SARDH: variants seen among roughly 807,000 people sequenced by gnomAD.
The protein encoded by SARDH is sarcosine dehydrogenase.
Under a neutral mutation model 109.1 loss-of-function variants are expected in SARDH, and 95 were observed. The observed-to-expected ratio is 0.87, with a 90% CI of 0.74 to 1.03. The LOEUF is 1.03. SARDH is among the 50% of genes least tolerant of loss of function. The pLI is 0.00. For synonymous variants in SARDH, 572 were observed against 534.8 expected, an observed-to-expected ratio of 1.07 and a Z score of -0.96; for missense variants, 1,267 against 1,287.8, an observed-to-expected ratio of 0.98 and a Z score of 0.25.
Position 133,712,919 on chromosome 9 carries a change from G to T in SARDH, c.1237+119C>A. The T allele has an allele frequency of 1.8e-6, 2 of 1,101,684 alleles. No individual in the cohort carries two copies. Among genetic ancestry groups the T allele is most frequent in the Non-Finnish European group, 2.7e-6 (2 of 754,542 alleles). The allele number at this position is 1,101,684 out of a possible 1,614,324, so 68.2% of individuals were successfully genotyped here. A position where few individuals can be genotyped will look rare whatever the true frequency, so the allele number is the denominator to read the frequency against. On this transcript the variant is annotated intron_variant, in intron 9 of 20. Transcript: ENST00000439388. The surrounding 1 kb of genome is among the most constrained non-coding windows in gnomAD (Gnocchi z 4.1). ...GAAGCAGAAGGGGCTGGACTCCCCA[G>T]CCTCTCCTGTCCCCACCACTGTCGG...
downstream of SARDH, among the ~76,000 whole-genome samples, chr9:133,660,278 T>TTGA (rs1237139137): frequency 6.6e-6 from 1 of 151,894 alleles, no homozygotes; most frequent in African/African-American, 2.4e-5. Context: ...TCTGTTTCCA[T>TTGA]TGATGGAGGA....
At chr9:133,689,419 G>T (rs1346521188) in intron 16 of SARDH, among the ~76,000 whole-genome samples, 1 of 151,916 alleles carries the variant, frequency 6.6e-6, no homozygotes, top group African/African-American at 2.4e-5. Context: ...TGGTGGGGGA[G>T]GGTCACCAAT....
chr9:133,673,141 G>A (rs2797835), intron 17 of SARDH, among the ~76,000 whole-genome samples: 80,928 of 152,124 alleles, frequency 0.53, 22,397 homozygotes, highest in East Asian at 0.79. Flanking sequence ...TGTCCCGCAC[G>A]CCTGCACAAC....
chr9:133,732,387 A>G, intron 3 of SARDH, 36 bp downstream of exon 3: 10 of 538,380 alleles, frequency 1.9e-5, no homozygotes, highest in Non-Finnish European at 3.1e-5. Flanking sequence ...CACCCACCCA[A>G]GCCCCCCTCC....
chr9:133,735,533 C>G (rs1229945002), intron 1 of SARDH, among the ~76,000 whole-genome samples: 1 of 152,204 alleles, frequency 6.6e-6, no homozygotes, highest in Non-Finnish European at 1.5e-5. Context: ...TCACCATGTC[C>G]TGGGGACGCA....
Position 133,666,722 on chromosome 9 carries a change from G to A in SARDH, c.2631+13C>T, listed in dbSNP as rs774218404. 13 of 1,580,860 alleles carry A rather than the reference G, an allele frequency of 8.2e-6. No individual in the cohort carries two copies. The highest frequency in any genetic ancestry group is 1.8e-5 in the Admixed American group (1 of 54,724). ...CGGCATCTGCCTTAGCAGGGCCAGA[G>A]AAGGGGACTCACCGGCCCACCGCTG... On this transcript the variant is annotated intron_variant, in intron 20 of 20. Coordinates refer to ENST00000439388, the MANE Select transcript of SARDH (RefSeq NM_001134707.2). The surrounding 1 kb of genome is among the most constrained non-coding windows in gnomAD (Gnocchi z 5.2).
At chr9:133,683,930 GAC>G (rs1157798529) in intron 17 of SARDH, among the ~76,000 whole-genome samples, 2 of 152,208 alleles carry the variant, frequency 1.3e-5, no homozygotes, top group Non-Finnish European at 2.9e-5. Context: ...CCGTGTCACT[GAC>G]ACATATCGGG....
intron 1 of SARDH, among the ~76,000 whole-genome samples, chr9:133,734,730 G>A (rs1832824326): frequency 6.6e-6 from 1 of 152,234 alleles, no homozygotes; most frequent in South Asian, 2.1e-4. Context: ...GGAGGGGACT[G>A]AGGACAGAGG....
chr9:133,732,761 A>G (rs2502759), intron 2 of SARDH, among the ~76,000 whole-genome samples, 160 bp from the exon 3 acceptor site: 137,897 of 152,168 alleles, frequency 0.91, 63,008 homozygotes, highest in Non-Finnish European at 0.96. Flanking sequence ...TGTTGAGCAG[A>G]AAATAACTGG....
At position 133,671,478 on chromosome 9, in the gene SARDH, G is replaced by A. The variant is rs550612739; in HGVS notation, c.2326+57C>T. 4.0e-6 allele frequency: 6 copies of A among 1,490,878 alleles called. No homozygotes were observed. In the East Asian group the frequency reaches 7.6e-5, roughly 19 times the overall value. The allele number at this position is 1,490,878 out of a possible 1,614,324, so 92.4% of individuals were successfully genotyped here. On this transcript the variant is annotated intron_variant, in intron 18 of 20. Transcript: ENST00000439388. ...TTCTCGGCCTCCAGGTGTCTCGAGC[G>A]TCACTGCCCCCCACTGCGCCCGCCC...
upstream of SARDH, chr9:133,738,481 AG>A (rs1832958890): frequency 6.6e-6 from 1 of 152,184 alleles, no homozygotes; most frequent in Admixed American, 6.5e-5. Context: ...CCCTGTGGGC[AG>A]CTCCCTCTGA....
At chr9:133,660,471 G>C (rs1029361336), downstream of SARDH, among the ~76,000 whole-genome samples, 11 of 152,188 alleles carry the variant, frequency 7.2e-5, no homozygotes, top group Non-Finnish European at 1.2e-4. Context: ...CTTATTTAGA[G>C]GCTTAGGGGA....
intron 13 of SARDH, among the ~76,000 whole-genome samples, chr9:133,699,600 G>A (rs1831408735): frequency 6.6e-6 from 1 of 152,134 alleles, no homozygotes; most frequent in Non-Finnish European, 1.5e-5. Context: ...ATATGCAAGT[G>A]GACAACAGGC....
chr9:133,732,737 G>A, intron 2 of SARDH, 136 bp from the exon 3 acceptor site: 2 of 993,746 alleles, frequency 2.0e-6, no homozygotes, highest in Non-Finnish European at 1.4e-6. Context: ...AGGACCTGGG[G>A]GGCCTGGAGA....
chr9:133,673,211 G>GTGTGAT (rs1830409819), intron 17 of SARDH, among the ~76,000 whole-genome samples: 3 of 152,246 alleles, frequency 2.0e-5, no homozygotes, highest in Non-Finnish European at 4.4e-5. Flanking sequence ...TGCACAGGAG[G>GTGTGAT]CGTGATTTTC....
intron 10 of SARDH, among the ~76,000 whole-genome samples, chr9:133,711,570 G>A (rs940774466): frequency 1.3e-5 from 2 of 152,198 alleles, no homozygotes; most frequent in African/African-American, 4.8e-5. Flanking sequence ...GTGGCAGCTG[G>A]GGGGCCTCAG....
At chr9:133,707,822 T>C (rs1380139535) in intron 11 of SARDH, among the ~76,000 whole-genome samples, 1 of 151,986 alleles carries the variant, frequency 6.6e-6, no homozygotes, top group Non-Finnish European at 1.5e-5. Context: ...CACCTGACAG[T>C]GGGTTTCACT....
chr9:133,721,141 G>A (rs7849946), intron 6 of SARDH, among the ~76,000 whole-genome samples: 41,095 of 152,018 alleles, frequency 0.27, 5,881 homozygotes, highest in East Asian at 0.33. Flanking sequence ...AGAGTCCTCC[G>A]ATTGAAAATC....
chr9:133,716,302 A>G (rs1167977617), intron 8 of SARDH, among the ~76,000 whole-genome samples: 1 of 152,202 alleles, frequency 6.6e-6, no homozygotes, highest in Non-Finnish European at 1.5e-5. Flanking sequence ...ACCACCGACG[A>G]AGTGCCACTT....
Sources: allele counts gnomAD v4.1 joint callset (sites outside exome capture counted in the v4.1 genomes callset), GRCh38; gene constraint gnomAD v4.1.1; non-coding constraint Gnocchi (gnomAD v3.1); transcripts MANE v1.5; gene names NCBI Gene and HGNC (gene_info 2026-07-23, HGNC 2026-07-21).